Variants in CHD8 observed in about 807,000 individuals in gnomAD.
CHD8 encodes chromodomain helicase DNA binding protein 8.
A neutral mutation model predicts 279.2 loss-of-function variants in CHD8; 31 were observed. The observed-to-expected ratio is 0.11, with a 90% confidence interval of 0.08 to 0.15. CHD8 has a LOEUF of 0.15. Ranked by LOEUF, CHD8 falls within the 10% of genes least tolerant of loss-of-function variation. The probability of loss-of-function intolerance (pLI) is 1.00; values close to 1 mark genes in which losing one functional copy is unlikely to be tolerated. For synonymous variants in CHD8, 1,081 were observed against 1,139.6 expected, an observed-to-expected ratio of 0.95 and a Z score of 1.04; for missense variants, 2,146 against 3,230.5, an observed-to-expected ratio of 0.66 and a Z score of 8.14.
At chr14:21,389,346 C>T (rs1370885515) in intron 37 of CHD8, among the ~76,000 whole-genome samples, 1 of 151,246 alleles carries the variant, frequency 6.6e-6, no homozygotes, top group East Asian at 2.0e-4. Flanking sequence ...CACAGTGGCT[C>T]ATGCCTGTAA....
rs907089602 is a variant in CHD8 at position 21,424,404 on chromosome 14, C to T, written c.1716+1724G>A. On this transcript the variant is annotated intron_variant, in intron 5 of 37. Transcript: ENST00000646647. ...TTCAAAGTCTTAGTAATCATTATTTCATAATATATTCTAAAATTTTTTTTT... is the reference window on the plus strand; with the variant it reads ...TTCAAAGTCTTAGTAATCATTATTTTATAATATATTCTAAAATTTTTTTTT... Among the ~76,000 whole-genome samples the T allele has an allele frequency of 3.3e-5, 5 of 152,100 alleles. No homozygotes were observed. In the East Asian group the frequency reaches 9.6e-4, roughly 29 times the overall value.
intron 28 of CHD8, chr14:21,395,599 A>G (rs1164570305): frequency 5.1e-6 from 3 of 590,066 alleles, no homozygotes; most frequent in Admixed American, 3.2e-5. Context: ...TAGTCAAATA[A>G]TATCTTTCAG....
In CHD8 at chr14:21,403,558, A is replaced by G; in HGVS notation, c.3413T>C (p.Ile1138Thr). 3 of 1,613,500 alleles carry G rather than the reference A, an allele frequency of 1.9e-6. No homozygotes were observed. Among genetic ancestry groups the G allele is most frequent in the Non-Finnish European group, 2.5e-6 (3 of 1,179,634 alleles). ...MVRSAGKLVL[I>T]DKLLPKLKAG... ...TTTAAGCTTTGGAAGCAACTTGTCA[A>G]TAAGAACCAGTTTGCCGGCTGAACG... The change falls in exon 17 of 38, where the codon ATT (isoleucine) becomes ACT (threonine). Residue 1138 changes from isoleucine (I) to threonine (T), a missense_variant. Ile to Thr is a moderately conservative substitution (Grantham distance 89). This residue lies in a region of CHD8 where 48 missense variants were observed against 135.7 expected (regional missense o/e 0.35). Coordinates refer to ENST00000646647, the MANE Select transcript of CHD8 (RefSeq NM_001170629.2). This position sits in a 1 kb window ranked among gnomAD's most constrained non-coding sequence, Gnocchi z 4.3.
At chr14:21,439,356 C>T (rs939323822) in intron 1 of CHD8, among the ~76,000 whole-genome samples, 1 of 152,288 alleles carries the variant, frequency 6.6e-6, no homozygotes, top group South Asian at 2.1e-4. Flanking sequence ...TGGCTCAAAA[C>T]CTCAACAGTC....
chr14:21,433,303 C>G (rs923140499), intron 1 of CHD8, among the ~76,000 whole-genome samples: 1 of 152,148 alleles, frequency 6.6e-6, no homozygotes, highest in Non-Finnish European at 1.5e-5. Context: ...AAATCCATGT[C>G]TAGGGTTTTA....
Position 21,402,387 on chromosome 14 carries a change from C to T in CHD8, c.3831G>A (p.Leu1277=), listed in dbSNP as rs560433897. The change falls in exon 19 of 38, where the codon TTG becomes TTA. Residue 1277 remains leucine, a synonymous_variant. Coordinates refer to ENST00000646647, the MANE Select transcript of CHD8 (RefSeq NM_001170629.2). This position sits in a 1 kb window ranked among gnomAD's most constrained non-coding sequence, Gnocchi z 4.5. ...MFDKASLKLG[L]DKAVLQSMSG... ...TCATGGATTGAAGCACAGCCTTATC[C>T]AACCCCAACTTGAGGCTGGCCTTAT... 1.2e-6 allele frequency: 2 copies of T among 1,614,064 alleles called. No individual in the cohort carries two copies. Among genetic ancestry groups the T allele is most frequent in the South Asian group, 2.2e-5 (2 of 91,082 alleles).
In CHD8 at chr14:21,402,439, C is replaced by T; in HGVS notation, c.3779G>A (p.Arg1260His). 6.2e-7 allele frequency: 1 copy of T among 1,614,130 alleles called. No homozygotes were observed. Among genetic ancestry groups the T allele is most frequent in the Non-Finnish European group, 8.5e-7 (1 of 1,180,000 alleles). The change falls in exon 19 of 38, where the codon CGT becomes CAT. Residue 1260 changes from arginine to histidine, a missense_variant. Coordinates refer to ENST00000646647, the MANE Select transcript of CHD8 (RefSeq NM_001170629.2). This position sits in a 1 kb window ranked among gnomAD's most constrained non-coding sequence, Gnocchi z 4.5. Reference sequence around the variant, plus strand: ...AAACATCTCTCTCTCGTAGGAATTACGAGTGATGAGGCGGTACACCTTCAC... The same window carrying T: ...AAACATCTCTCTCTCGTAGGAATTATGAGTGATGAGGCGGTACACCTTCAC... Reference protein sequence around the residue: ...KAVKVYRLITRNSYEREMFDK... With the variant: ...KAVKVYRLITHNSYEREMFDK...
At chr14:21,440,872 A>G (rs987079322) in intron 1 of CHD8, among the ~76,000 whole-genome samples, 5 of 152,170 alleles carry the variant, frequency 3.3e-5, no homozygotes, top group East Asian at 3.9e-4. Context: ...AGGACAGAGG[A>G]CACAGAAGCA....
At chr14:21,391,169 T>A in intron 36 of CHD8, 106 bp from the exon 37 acceptor site, 1 of 810,770 alleles carries the variant, frequency 1.2e-6, no homozygotes. Context: ...ATTACATAGA[T>A]AAAGGATTCA....
At chr14:21,414,564 T>C (rs941271198) in intron 8 of CHD8, 146 bp from the exon 9 acceptor site, 11 of 609,080 alleles carry the variant, frequency 1.8e-5, no homozygotes, top group Admixed American at 3.0e-5. Flanking sequence ...CTTCTGAAAC[T>C]CTAATTTGTA....
chr14:21,414,928 G>C lies in CHD8; in HGVS notation c.2024+10C>G. 1 of 1,598,352 alleles carries C rather than the reference G, an allele frequency of 6.3e-7. No individual in the cohort carries two copies. Among genetic ancestry groups the C allele is most frequent in the Non-Finnish European group, 8.5e-7 (1 of 1,170,538 alleles). ...TTTGGGGTGACAAGCTTTTTGCACA[G>C]ATCACGTACTAGTTCTTGTACTTGA... is the stretch of plus-strand genomic sequence containing the variant. On this transcript the variant is annotated intron_variant, in intron 8 of 37. Coordinates refer to ENST00000646647, the MANE Select transcript of CHD8 (RefSeq NM_001170629.2).
intron 3 of CHD8, 64 bp from the exon 4 acceptor site, chr14:21,428,318 G>A: frequency 6.7e-7 from 1 of 1,493,954 alleles, no homozygotes; most frequent in East Asian, 2.3e-5. Flanking sequence ...ATAAAATCCA[G>A]CTCTGAAGCA....
Position 21,399,957 on chromosome 14 carries a change from C to CA in CHD8, c.4817+23dup, listed in dbSNP as rs776820458. On this transcript the variant is annotated intron_variant, in intron 25 of 37. Transcript: ENST00000646647. ...CCCTCAAATAAGGTAGGGCATAAAT[C>CA]AAAAAAATATAGCAGAATTTTACCT... 35 of 1,595,934 alleles carry CA rather than the reference C, an allele frequency of 2.2e-5. No individual in the cohort carries two copies. In the African/African-American group the frequency reaches 4.4e-4, roughly 20 times the overall value.
chr14:21,411,731 G>C (rs535109045), intron 10 of CHD8, among the ~76,000 whole-genome samples: 2 of 152,154 alleles, frequency 1.3e-5, no homozygotes, highest in Non-Finnish European at 2.9e-5. Context: ...AAAGAAAGCT[G>C]AATTCACTGG....
chr14:21,417,112 A>G (rs1299707003), intron 5 of CHD8, among the ~76,000 whole-genome samples: 3 of 152,162 alleles, frequency 2.0e-5, no homozygotes, highest in Non-Finnish European at 4.4e-5. Context: ...TAAAAATGTT[A>G]TATTTTTGTT....
Position 21,431,429 on chromosome 14 carries a change from T to C in CHD8, c.215A>G (p.Glu72Gly). The C allele has an allele frequency of 6.5e-7, 1 of 1,537,266 alleles. No homozygotes were observed. Among genetic ancestry groups the C allele is most frequent in the East Asian group, 2.4e-5 (1 of 40,918 alleles). ...SASELVPPPE[E>G]TAPTELSKES... ...TTTGGAAAGTTCTGTGGGAGCTGTT[T>C]CCTCTGGTGGAGGGACCAGTTCACT... is the stretch of plus-strand genomic sequence containing the variant. The change falls in exon 2 of 38, where the codon GAA (glutamate) becomes GGA (glycine). Residue 72 changes from glutamate to glycine, a missense_variant. Around this residue, in one of 26 missense-constraint regions of CHD8, gnomAD observed 302 missense variants for 325.5 expected, o/e 0.93. Transcript: ENST00000646647.
chr14:21,410,921 A>C (rs1484624491), intron 10 of CHD8, among the ~76,000 whole-genome samples: 1 of 152,330 alleles, frequency 6.6e-6, no homozygotes, highest in East Asian at 1.9e-4. Flanking sequence ...TGTCCAGGTC[A>C]CATATTTCCA....
At chr14:21,410,018 A>G (rs1263181847) in intron 10 of CHD8, 30 bp from the exon 11 acceptor site, 2 of 1,586,200 alleles carry the variant, frequency 1.3e-6, no homozygotes, top group African/African-American at 1.4e-5. Flanking sequence ...AGCCTTAAGA[A>G]ACTGATTCTG....
At chr14:21,388,459 C>A (rs908975437) in intron 37 of CHD8, among the ~76,000 whole-genome samples, 6 of 152,040 alleles carry the variant, frequency 3.9e-5, no homozygotes, top group Non-Finnish European at 7.4e-5. Context: ...GGAAGTGTGT[C>A]GGTTACATGG....
Sources: allele counts gnomAD v4.1 joint callset (sites outside exome capture counted in the v4.1 genomes callset), GRCh38; gene constraint gnomAD v4.1.1; regional missense constraint gnomAD v4.1.1; non-coding constraint Gnocchi (gnomAD v3.1); transcripts MANE v1.5; gene names NCBI Gene and HGNC (gene_info 2026-07-23, HGNC 2026-07-21).